The following C8orf34 variants were observed in gnomAD, a reference collection of about 807,000 sequenced individuals.
The protein encoded by C8orf34 is uncharacterized protein C8orf34.
A neutral mutation model predicts 68.3 loss-of-function variants in C8orf34; 65 were observed. The observed-to-expected ratio is 0.95, with a 90% CI of 0.78 to 1.17. The LOEUF is 1.17. Among genes scored for constraint, C8orf34 ranks in the 50% most tolerant of loss-of-function variants. C8orf34 has a pLI of 0.00. For missense variants in C8orf34, 664 were observed against 655.4 expected (o/e 1.01, Z -0.14); for synonymous variants, 244 against 241.2 (o/e 1.01, Z -0.11).
At chr8:68,338,381 C>A (rs1242395903) in intron 1 of C8orf34, among the ~76,000 whole-genome samples, 3 of 152,114 alleles carry the variant, frequency 2.0e-5, no homozygotes, top group African/African-American at 7.2e-5. Flanking sequence ...CTGGAAATTA[C>A]CTTAAAATGC....
intron 1 of C8orf34, chr8:68,438,602 T>TA (rs1810764217): frequency 6.6e-6 from 1 of 152,158 alleles, no homozygotes; most frequent in South Asian, 2.1e-4. Context: ...AATTCTAGGC[T>TA]AAAACCAACA....
intron 1 of C8orf34, among the ~76,000 whole-genome samples, chr8:68,431,732 G>A (rs1810459747): frequency 6.6e-6 from 1 of 152,128 alleles, no homozygotes; most frequent in South Asian, 2.1e-4. Context: ...TGCATCATTT[G>A]TCATAATTGG....
chr8:68,619,996 A>AAGAGGATT (rs1020341169), intron 7 of C8orf34, among the ~76,000 whole-genome samples: 26 of 152,196 alleles, frequency 1.7e-4, no homozygotes, highest in Non-Finnish European at 3.5e-4. Context: ...ATTAGAAGTG[A>AAGAGGATT]AGAGGAAGGT....
intron 7 of C8orf34, among the ~76,000 whole-genome samples, chr8:68,635,448 T>C (rs1255530412): frequency 6.6e-6 from 1 of 152,140 alleles, no homozygotes; most frequent in Non-Finnish European, 1.5e-5. Flanking sequence ...GGCTCCAAGA[T>C]AAAAAAAGAG....
intron 10 of C8orf34, among the ~76,000 whole-genome samples, chr8:68,749,795 A>G (rs1822647523): frequency 6.6e-6 from 1 of 152,176 alleles, no homozygotes; most frequent in African/African-American, 2.4e-5. Context: ...TACATAGGAA[A>G]AAGTAGTTTA....
At chr8:68,342,085 A>T (rs1806093620) in intron 1 of C8orf34, among the ~76,000 whole-genome samples, 1 of 152,228 alleles carries the variant, frequency 6.6e-6, no homozygotes, top group Admixed American at 6.5e-5. Flanking sequence ...TTTTTACCAC[A>T]AACAAAAATG....
Position 68,331,523 on chromosome 8 carries a change from C to T in C8orf34, c.327+184C>T, listed in dbSNP as rs554582079. The T allele has an allele frequency of 6.4e-5, 44 of 691,316 alleles. No homozygotes were observed. The African/African-American group carries it at 7.7e-4, about 12-fold the overall frequency. 42.8% of individuals were successfully genotyped at this position (691,316 alleles called of 1,614,324 possible). Reference sequence around the variant, plus strand: ...CCGGCCAGGTGTCCTGGAACGCGGCCGGGCGGGCACTTAGCCAGTTACCTG... The same window carrying T: ...CCGGCCAGGTGTCCTGGAACGCGGCTGGGCGGGCACTTAGCCAGTTACCTG... On this transcript the variant is annotated intron_variant, in intron 1 of 13. Transcript: ENST00000518698.
chr8:68,660,282 C>T (rs1819633224), intron 8 of C8orf34, among the ~76,000 whole-genome samples: 1 of 152,156 alleles, frequency 6.6e-6, no homozygotes, highest in Non-Finnish European at 1.5e-5. Flanking sequence ...TCCCTAGTTA[C>T]TTTATCTTCC....
At chr8:68,497,876 T>G (rs2129632323) in intron 5 of C8orf34, among the ~76,000 whole-genome samples, 1 of 152,272 alleles carries the variant, frequency 6.6e-6, no homozygotes, top group East Asian at 1.9e-4. Context: ...TTGCCCAGGC[T>G]GGAGTGGAAT....
intron 3 of C8orf34, among the ~76,000 whole-genome samples, chr8:68,452,777 A>G (rs75549198): frequency 2.7e-5 from 4 of 150,544 alleles, no homozygotes; most frequent in East Asian, 1.9e-4. Context: ...ATGAAGCTCA[A>G]TTGATCTATT....
chr8:68,405,327 G>T (rs934987772), intron 1 of C8orf34, among the ~76,000 whole-genome samples: 4 of 152,052 alleles, frequency 2.6e-5, no homozygotes, highest in Non-Finnish European at 4.4e-5. Flanking sequence ...TAAGAGTTTG[G>T]TTTATTCTCA....
chr8:68,810,521 G>A (rs896653604), intron 12 of C8orf34, among the ~76,000 whole-genome samples: 8 of 151,948 alleles, frequency 5.3e-5, no homozygotes, highest in African/African-American at 1.2e-4. Flanking sequence ...TCTACTTCTC[G>A]TAGCCCGCAA....
intron 10 of C8orf34, among the ~76,000 whole-genome samples, chr8:68,766,734 T>C (rs1313350415): frequency 1.3e-5 from 2 of 152,208 alleles, no homozygotes; most frequent in African/African-American, 4.8e-5. Flanking sequence ...GACTTTACAA[T>C]TATGCTGGTA....
At chr8:68,407,326 C>A (rs1407770853) in intron 1 of C8orf34, among the ~76,000 whole-genome samples, 2 of 151,916 alleles carry the variant, frequency 1.3e-5, no homozygotes, top group African/African-American at 4.8e-5. Context: ...CCCTGGCCCC[C>A]CATTTGATTT....
intron 8 of C8orf34, among the ~76,000 whole-genome samples, chr8:68,672,791 G>A (rs758957569): frequency 6.6e-6 from 1 of 152,290 alleles, no homozygotes; most frequent in South Asian, 2.1e-4. Context: ...CAGCACAGGT[G>A]GCTAAAGGAG....
chr8:68,691,498 TAAAC>T (rs1175935563), intron 8 of C8orf34, among the ~76,000 whole-genome samples: 1 of 152,080 alleles, frequency 6.6e-6, no homozygotes, highest in Non-Finnish European at 1.5e-5. Context: ...ATATTCCTAT[TAAAC>T]AAATGACTTC....
intron 1 of C8orf34, among the ~76,000 whole-genome samples, chr8:68,404,492 G>A (rs1237287747): frequency 6.6e-6 from 1 of 152,096 alleles, no homozygotes; most frequent in Non-Finnish European, 1.5e-5. Context: ...TTCTTCTAGG[G>A]TTTTTATGGT....
chr8:68,815,757 C>A, intron 12 of C8orf34, 129 bp from the exon 13 acceptor site: 1 of 1,472,374 alleles, frequency 6.8e-7, no homozygotes, highest in Non-Finnish European at 9.3e-7. Context: ...ACAGTACATA[C>A]TATAAATGTA....
At chr8:68,583,228 G>C (rs1314109902) in intron 7 of C8orf34, among the ~76,000 whole-genome samples, 1 of 152,034 alleles carries the variant, frequency 6.6e-6, no homozygotes, top group Non-Finnish European at 1.5e-5. Context: ...AGCAGAAATA[G>C]ATAATAGCCA....
Sources: gnomAD v4.1 joint callset for allele counts (sites outside exome capture counted in the v4.1 genomes callset) on GRCh38, gnomAD v4.1.1 for gene constraint, MANE v1.5 for transcripts, NCBI Gene and HGNC (gene_info 2026-07-23, HGNC 2026-07-21) for gene names.